CA10: variants seen among roughly 807,000 people sequenced by gnomAD.
CA10 encodes the protein carbonic anhydrase-related protein 10.
A neutral mutation model predicts 44.2 loss-of-function variants in CA10; 14 were observed. The observed-to-expected ratio is 0.32, with a 90% CI of 0.21 to 0.50. The LOEUF is 0.50. Ranked by LOEUF, CA10 falls within the 20% of genes least tolerant of loss-of-function variation. The pLI, the probability that CA10 is intolerant of heterozygous loss-of-function variation, is 0.99. For missense variants in CA10, 350 were observed against 409.7 expected, an observed-to-expected ratio of 0.85 and a Z score of 1.26; for synonymous variants, 159 against 141.6, an observed-to-expected ratio of 1.12 and a Z score of -0.87.
rs866319627 is a variant in CA10, at chr17:51,812,199, C to T, written c.280-64381G>A. Reference sequence around the variant, plus strand: ...GGAATTTTGCAAGCCAAGTATTAAACCTAGCACTACTACAAATTAAGTTAT... The same window carrying T: ...GGAATTTTGCAAGCCAAGTATTAAATCTAGCACTACTACAAATTAAGTTAT... On this transcript the variant is annotated intron_variant, in intron 3 of 8. Coordinates refer to ENST00000451037, the MANE Select transcript of CA10 (RefSeq NM_020178.5). Among the ~76,000 whole-genome samples the T allele has an allele frequency of 1.2e-4, 18 of 152,278 alleles. No homozygotes were observed. In the Middle Eastern group the frequency reaches 0.01, roughly 86 times the overall value.
At chr17:51,931,253 T>A in intron 2 of CA10, 121 bp from the exon 3 acceptor site, 6 of 892,834 alleles carry the variant, frequency 6.7e-6, no homozygotes, top group Non-Finnish European at 1.0e-5. Flanking sequence ...TTCCCACCCA[T>A]GGAGATCCTT....
intron 1 of CA10, among the ~76,000 whole-genome samples, chr17:52,082,457 T>A (rs1289687455): frequency 6.6e-6 from 1 of 152,222 alleles, no homozygotes; most frequent in Non-Finnish European, 1.5e-5. Flanking sequence ...AGATACTAGT[T>A]ATTTTAGTAG....
chr17:51,703,792 T>C (rs1036375008), intron 4 of CA10, among the ~76,000 whole-genome samples: 22 of 152,170 alleles, frequency 1.4e-4, no homozygotes, highest in African/African-American at 5.3e-4. Flanking sequence ...AAAATTCAAT[T>C]TGGAAAGTTA....
At chr17:51,893,363 A>G (rs8071898) in intron 3 of CA10, among the ~76,000 whole-genome samples, 20,298 of 152,054 alleles carry the variant, frequency 0.13, 2,149 homozygotes, top group African/African-American at 0.3. Context: ...GGGATACGGG[A>G]AGGGAAGCAT....
intron 1 of CA10, among the ~76,000 whole-genome samples, chr17:52,090,065 A>G (rs1354323246): frequency 6.6e-6 from 1 of 152,200 alleles, no homozygotes; most frequent in Non-Finnish European, 1.5e-5. Flanking sequence ...AAATAGGTAT[A>G]GTTGTAAACA....
intron 3 of CA10, among the ~76,000 whole-genome samples, chr17:51,858,156 T>A (rs1223097626): frequency 1.3e-5 from 2 of 152,192 alleles, no homozygotes; most frequent in Non-Finnish European, 1.5e-5. Context: ...GTTTCAGAAT[T>A]CTAGGTGGGC....
intron 3 of CA10, among the ~76,000 whole-genome samples, chr17:51,830,696 C>T (rs1343719688): frequency 2.6e-5 from 4 of 152,192 alleles, no homozygotes; most frequent in Non-Finnish European, 5.9e-5. Context: ...GCTTACTTAA[C>T]ACCTGACAGA....
intron 3 of CA10, among the ~76,000 whole-genome samples, chr17:51,834,886 G>A (rs986703027): frequency 2.0e-5 from 3 of 152,134 alleles, no homozygotes; most frequent in African/African-American, 7.2e-5. Flanking sequence ...AGACTTTATT[G>A]GGCAAATTTA....
At chr17:51,660,660 C>T (rs1392131188) in intron 4 of CA10, among the ~76,000 whole-genome samples, 1 of 152,146 alleles carries the variant, frequency 6.6e-6, no homozygotes, top group Admixed American at 6.5e-5. Context: ...TAGCAGAAGC[C>T]CTTTTGTGAG....
chr17:51,653,477 C>T (rs1458280822), intron 5 of CA10, among the ~76,000 whole-genome samples, 164 bp downstream of exon 5: 1 of 150,520 alleles, frequency 6.6e-6, no homozygotes, highest in African/African-American at 2.4e-5. Flanking sequence ...CTGCAGGGGG[C>T]CTCATTTTTC....
At chr17:51,658,855 GAC>G (rs897688380) in intron 4 of CA10, among the ~76,000 whole-genome samples, 1 of 152,056 alleles carries the variant, frequency 6.6e-6, no homozygotes, top group African/African-American at 2.4e-5. Flanking sequence ...CAATTCCTGC[GAC>G]TATTTGAGTT....
chr17:52,117,438 GGGATT>G (rs3066283), intron 1 of CA10, among the ~76,000 whole-genome samples: 32 of 152,278 alleles, frequency 2.1e-4, no homozygotes, highest in African/African-American at 7.5e-4. Flanking sequence ...TAATCCAATT[GGGATT>G]GTTGAGATTG....
intron 2 of CA10, among the ~76,000 whole-genome samples, chr17:52,043,623 T>C (rs1986830661): frequency 6.6e-6 from 1 of 152,144 alleles, no homozygotes; most frequent in South Asian, 2.1e-4. Flanking sequence ...TGGGCATTCC[T>C]CTCTTATTTC....
chr17:51,975,428 C>T (rs1984427602), intron 2 of CA10, among the ~76,000 whole-genome samples: 1 of 152,188 alleles, frequency 6.6e-6, no homozygotes. Context: ...CCTGTAATCC[C>T]AGCACTTTGG....
At chr17:52,032,633 G>A (rs561371716) in intron 2 of CA10, among the ~76,000 whole-genome samples, 3 of 152,126 alleles carry the variant, frequency 2.0e-5, no homozygotes, top group South Asian at 4.2e-4. Context: ...GGGCCAAGTC[G>A]GGCCCCATGA....
intron 2 of CA10, among the ~76,000 whole-genome samples, chr17:51,952,554 CAAAAAAAAAAAATTAAAACT>C (rs1983525394): frequency 6.7e-6 from 1 of 148,392 alleles, no homozygotes; most frequent in Admixed American, 6.7e-5. Context: ...GACCCTGTCT[CAAAAAAAAAAAATTAAAACT>C]AAAAGAAGAT....
At chr17:52,033,745 G>T (rs1385078604) in intron 2 of CA10, among the ~76,000 whole-genome samples, 1 of 152,114 alleles carries the variant, frequency 6.6e-6, no homozygotes, top group Non-Finnish European at 1.5e-5. Context: ...ACATTAAAAG[G>T]CTTGCATGGC....
intron 3 of CA10, among the ~76,000 whole-genome samples, chr17:51,920,833 A>G (rs1277569420): frequency 2.6e-5 from 4 of 152,216 alleles, no homozygotes; most frequent in African/African-American, 7.2e-5. Flanking sequence ...CTATGCACTG[A>G]AATCTTCCGC....
intron 3 of CA10, among the ~76,000 whole-genome samples, chr17:51,780,997 G>A (rs958535728): frequency 6.6e-6 from 1 of 152,216 alleles, no homozygotes; most frequent in Non-Finnish European, 1.5e-5. Flanking sequence ...TATTTGGCCA[G>A]TGGGCTGCAG....
Sources: gnomAD v4.1 joint callset for allele counts (sites outside exome capture counted in the v4.1 genomes callset) on GRCh38, gnomAD v4.1.1 for gene constraint, MANE v1.5 for transcripts, NCBI Gene and HGNC (gene_info 2026-07-23, HGNC 2026-07-21) for gene names.